ARHGEF33: variants seen among roughly 807,000 people sequenced by gnomAD.
The protein encoded by ARHGEF33 is DH and coiled-coil domain-containing protein ENSP00000381780.
In ARHGEF33, 72 loss-of-function variants were observed where a neutral mutation model predicts 101.9. The observed-to-expected ratio is 0.71, with a 90% CI of 0.58 to 0.86. ARHGEF33 has a LOEUF of 0.86. Among genes scored for constraint, ARHGEF33 ranks in the 40% least tolerant of loss-of-function variants. The pLI is 0.00. For synonymous variants in ARHGEF33, 499 were observed against 442.5 expected, an observed-to-expected ratio of 1.13 and a Z score of -1.60; for missense variants, 1,169 against 1,111.3, an observed-to-expected ratio of 1.05 and a Z score of -0.74.
Position 38,919,450 on chromosome 2 carries a change from GGAA to G in ARHGEF33, c.4_6del (p.Glu2del). ...GGAGAAGAGAAGTAACCGGCACTAT[GGAA>G]AAAACCAAAACAAAGCAAGGTCAGA... On this transcript the variant is annotated inframe_deletion, in exon 3 of 18. Coordinates refer to ENST00000409978, the MANE Select transcript of ARHGEF33 (RefSeq NM_001145451.5). 6.4e-7 allele frequency: 1 copy of G among 1,551,800 alleles called. No homozygotes were observed. The highest frequency in any genetic ancestry group is 8.7e-7 in the Non-Finnish European group (1 of 1,146,946).
intron 2 of ARHGEF33, among the ~76,000 whole-genome samples, chr2:38,900,878 A>G (rs1029206135): frequency 1.3e-5 from 2 of 152,174 alleles, no homozygotes; most frequent in African/African-American, 4.8e-5. Context: ...CTCTTCCTGG[A>G]GGAAGGGTGG....
chr2:38,912,983 C>T (rs1666545267), intron 2 of ARHGEF33, among the ~76,000 whole-genome samples: 4 of 151,838 alleles, frequency 2.6e-5, no homozygotes, highest in Admixed American at 2.6e-4. Context: ...TTCATTCTGT[C>T]TCCACCATTC....
intron 2 of ARHGEF33, among the ~76,000 whole-genome samples, chr2:38,899,329 A>G (rs1159153763): frequency 6.6e-6 from 1 of 152,194 alleles, no homozygotes; most frequent in Non-Finnish European, 1.5e-5. Context: ...TAGTATAAAC[A>G]GTAAAATTGC....
chr2:38,929,183 C>A (rs1666938840), intron 5 of ARHGEF33, 112 bp downstream of exon 5: 4 of 749,004 alleles, frequency 5.3e-6, no homozygotes, highest in African/African-American at 3.6e-5. Context: ...GTAATCCCAG[C>A]ACTTTGGGAG....
intron 16 of ARHGEF33, among the ~76,000 whole-genome samples, chr2:38,963,352 C>T (rs564910771): frequency 2.0e-5 from 3 of 152,134 alleles, no homozygotes; most frequent in Non-Finnish European, 4.4e-5. Context: ...GAGACCTAGT[C>T]TTTAGTGTTT....
chr2:38,932,215 C>T (rs1485950762), intron 7 of ARHGEF33, among the ~76,000 whole-genome samples: 5 of 152,080 alleles, frequency 3.3e-5, no homozygotes, highest in East Asian at 3.9e-4. Context: ...TTCTGCCTCC[C>T]GGGTTCAAGT....
At chr2:38,947,600 T>C (rs939556867) in intron 10 of ARHGEF33, among the ~76,000 whole-genome samples, 1 of 152,154 alleles carries the variant, frequency 6.6e-6, no homozygotes, top group Non-Finnish European at 1.5e-5. Context: ...ATAAAGACGG[T>C]GTCTTGCTCT....
chr2:38,957,125 G>T, intron 14 of ARHGEF33, 78 bp downstream of exon 14: 2 of 1,489,734 alleles, frequency 1.3e-6, no homozygotes, highest in South Asian at 2.5e-5. Context: ...CACGTTGTGT[G>T]TTAAGTACCT....
chr2:38,960,558 C>T lies in ARHGEF33; in HGVS notation c.2253C>T (p.Ala751=). The change falls in exon 16 of 18, where the codon GCC becomes GCT. Residue 751 remains alanine, a synonymous_variant. Transcript: ENST00000409978. Reference sequence around the variant, plus strand: ...CCGCGCAGGCGCACGGCCCGGCCGCCGCCGCCGTCGCCGCCCGCGGCGCAT... The same window carrying T: ...CCGCGCAGGCGCACGGCCCGGCCGCTGCCGCCGTCGCCGCCCGCGGCGCAT... ...ERAAQAHGPA[A]AAVAARGASR... 18 of 1,266,152 alleles carry T rather than the reference C, an allele frequency of 1.4e-5. No homozygotes were observed. Among genetic ancestry groups the T allele is most frequent in the South Asian group, 1.9e-5 (1 of 52,930 alleles). The allele number at this position is 1,266,152 out of a possible 1,614,324, so 78.4% of individuals were successfully genotyped here.
intron 17 of ARHGEF33, among the ~76,000 whole-genome samples, chr2:38,971,120 T>A (rs978804062): frequency 5.3e-5 from 8 of 152,176 alleles, no homozygotes; most frequent in Admixed American, 1.3e-4. Flanking sequence ...GGATAGTCTT[T>A]CCAATCAGAG....
rs549103224 is a variant in ARHGEF33, at chr2:38,961,960, G to C, written c.2343+1312G>C. ...TGCCATGTCAAAGTGGTGGAAATTAGGCCAGAGGAACAGGAAGGGGCGGGA... is the reference window on the plus strand; with the variant it reads ...TGCCATGTCAAAGTGGTGGAAATTACGCCAGAGGAACAGGAAGGGGCGGGA... On this transcript the variant is annotated intron_variant, in intron 16 of 17. Coordinates refer to ENST00000409978, the MANE Select transcript of ARHGEF33 (RefSeq NM_001145451.5). Among the ~76,000 whole-genome samples, 85 of 152,254 alleles carry C rather than the reference G, an allele frequency of 5.6e-4. 1 individual carries two copies. The highest frequency in any genetic ancestry group is 2.0e-3 in the African/African-American group (83 of 41,546).
chr2:38,952,139 A>G (rs1278698531), intron 11 of ARHGEF33, among the ~76,000 whole-genome samples: 1 of 152,236 alleles, frequency 6.6e-6, no homozygotes, highest in Non-Finnish European at 1.5e-5. Flanking sequence ...TTTTTAAAAG[A>G]TTGTGTGGGC....
intron 2 of ARHGEF33, among the ~76,000 whole-genome samples, chr2:38,910,832 A>G (rs1368330239): frequency 6.6e-6 from 1 of 152,184 alleles, no homozygotes; most frequent in Non-Finnish European, 1.5e-5. Context: ...TTTAGTGACA[A>G]TGGTACCTTA....
chr2:38,964,275 C>T (rs980544604), intron 16 of ARHGEF33, among the ~76,000 whole-genome samples: 1 of 152,062 alleles, frequency 6.6e-6, no homozygotes. Flanking sequence ...TTGAAATTAT[C>T]TCAAACCTAC....
At chr2:38,948,700 C>T (rs1030577659) in intron 10 of ARHGEF33, among the ~76,000 whole-genome samples, 1 of 152,098 alleles carries the variant, frequency 6.6e-6, no homozygotes, top group Non-Finnish European at 1.5e-5. Flanking sequence ...TCCCATGGTG[C>T]CCTAATATCT....
rs1248382696 is a variant in ARHGEF33, at chr2:38,931,127, G to A, written c.381G>A (p.Glu127=). 5.2e-6 allele frequency: 8 copies of A among 1,548,992 alleles called. No homozygotes were observed. Among genetic ancestry groups the A allele is most frequent in the Non-Finnish European group, 6.1e-6 (7 of 1,146,264 alleles). The change falls in exon 7 of 18, where the codon GAG becomes GAA. Residue 127 remains glutamate, a synonymous_variant. Coordinates refer to ENST00000409978, the MANE Select transcript of ARHGEF33 (RefSeq NM_001145451.5). The part of the protein sequence containing the change: ...KVKAKKTQKE[E]HSSQAGPAQA... ...TTCCTAGGAAAACTCAAAAAGAAGA[G>A]CACAGCTCACAGGCCGGGCCTGCCC...
chr2:38,959,778 G>C, intron 15 of ARHGEF33, 63 bp from the exon 16 acceptor site: 5 of 1,448,272 alleles, frequency 3.5e-6, no homozygotes, highest in Non-Finnish European at 4.6e-6. Flanking sequence ...GCGCCGGCAG[G>C]CGAGAGGCCT....
chr2:38,897,161 G>A lies in ARHGEF33; in HGVS notation c.-86+1312G>A, dbSNP rs541666567. Among the ~76,000 whole-genome samples the A allele has an allele frequency of 9.2e-5, 14 of 152,174 alleles. No individual in the cohort carries two copies. The East Asian group carries it at 1.2e-3, about 13-fold the overall frequency. On this transcript the variant is annotated intron_variant, in intron 2 of 17. Transcript: ENST00000409978. Reference sequence around the variant, plus strand: ...GAACTCCTGACCCAGTGGTCCGCCCGCCTCGGCCTCCAAAAGTGCTGGGAT... The same window carrying A: ...GAACTCCTGACCCAGTGGTCCGCCCACCTCGGCCTCCAAAAGTGCTGGGAT...
chr2:38,894,156 CAAAAACA>C (rs978614608), intron 1 of ARHGEF33, among the ~76,000 whole-genome samples: 20 of 151,746 alleles, frequency 1.3e-4, no homozygotes, highest in East Asian at 3.9e-4. Flanking sequence ...CCATCTCTAC[CAAAAACA>C]AAAAACAAAA....
Sources: allele counts gnomAD v4.1 joint callset (sites outside exome capture counted in the v4.1 genomes callset), GRCh38; gene constraint gnomAD v4.1.1; transcripts MANE v1.5; gene names NCBI Gene and HGNC (gene_info 2026-07-23, HGNC 2026-07-21).